EEPD1: variants seen among roughly 807,000 people sequenced by gnomAD.
The protein encoded by EEPD1 is endonuclease/exonuclease/phosphatase family domain containing 1.
EEPD1 carries 17 observed loss-of-function variants against 46.3 expected under a neutral mutation model. The ratio of observed to expected loss-of-function variants is 0.37; its 90% CI spans 0.25 to 0.55. The LOEUF is 0.55. Among genes scored for constraint, EEPD1 ranks in the 20% least tolerant of loss-of-function variants. The pLI, the probability that EEPD1 is intolerant of heterozygous loss-of-function variation, is 0.83. For synonymous variants in EEPD1, 313 were observed against 315.6 expected (o/e 0.99, Z 0.09); for missense variants, 673 against 745.6 (o/e 0.90, Z 1.13).
At chr7:36,226,842 G>A (rs1786239167) in intron 2 of EEPD1, among the ~76,000 whole-genome samples, 1 of 151,910 alleles carries the variant, frequency 6.6e-6, no homozygotes, top group Non-Finnish European at 1.5e-5. Context: ...AAAAAGTATG[G>A]CTTTATATAT....
At position 36,237,141 on chromosome 7, in the gene EEPD1, C is replaced by T. The variant is rs538859440; in HGVS notation, c.879-1844C>T. On this transcript the variant is annotated intron_variant, in intron 2 of 7. Transcript: ENST00000242108. Reference sequence around the variant, plus strand: ...TATGAACTGTAACACTCACCGCAAACGTCTGCAGCTTCACTCCTCAAGTCA... The same window carrying T: ...TATGAACTGTAACACTCACCGCAAATGTCTGCAGCTTCACTCCTCAAGTCA... 2.6e-5 allele frequency among the ~76,000 whole-genome samples: 4 copies of T among 152,202 alleles called. 1 individual carries two copies. Among genetic ancestry groups the T allele is most frequent in the African/African-American group, 9.7e-5 (4 of 41,440 alleles).
intron 3 of EEPD1, among the ~76,000 whole-genome samples, chr7:36,246,851 C>G (rs1393926832): frequency 6.6e-6 from 1 of 152,004 alleles, no homozygotes; most frequent in Non-Finnish European, 1.5e-5. Flanking sequence ...TTGGGCTGGG[C>G]GCAGTGTCTC....
At chr7:36,172,924 G>A (rs1785113237) in intron 2 of EEPD1, among the ~76,000 whole-genome samples, 3 of 147,106 alleles carry the variant, frequency 2.0e-5, no homozygotes, top group Non-Finnish European at 3.0e-5. Flanking sequence ...GGGATTGGGG[G>A]CAGTCTTGGA....
chr7:36,165,411 CTTTTTTTTTTTTTTT>C (rs56236165), intron 2 of EEPD1, among the ~76,000 whole-genome samples: 209 of 62,114 alleles, frequency 3.4e-3, no homozygotes, highest in African/African-American at 0.013. Context: ...GATCCATTTC[CTTTTTTTTTTTTTTT>C]TTTTTTTTTT....
intron 2 of EEPD1, among the ~76,000 whole-genome samples, chr7:36,207,458 A>G (rs971209307): frequency 6.6e-6 from 1 of 152,204 alleles, no homozygotes; most frequent in African/African-American, 2.4e-5. Context: ...TTTAGACCCC[A>G]GACAGGTTAG....
chr7:36,234,009 C>G (rs992642518), intron 2 of EEPD1, among the ~76,000 whole-genome samples: 1 of 152,176 alleles, frequency 6.6e-6, no homozygotes, highest in African/African-American at 2.4e-5. Context: ...CCTCTGCTTT[C>G]CAGGCTTAAG....
At chr7:36,283,173 ACT>A (rs1033632254) in intron 4 of EEPD1, among the ~76,000 whole-genome samples, 1 of 151,718 alleles carries the variant, frequency 6.6e-6, no homozygotes, top group African/African-American at 2.4e-5. Flanking sequence ...AGCCCAGTTC[ACT>A]CTCTCTGTCT....
At chr7:36,180,324 A>G (rs1785252347) in intron 2 of EEPD1, among the ~76,000 whole-genome samples, 1 of 152,096 alleles carries the variant, frequency 6.6e-6, no homozygotes, top group African/African-American at 2.4e-5. Flanking sequence ...TGTGTGGCTT[A>G]CTGGGGAGGC....
intron 3 of EEPD1, among the ~76,000 whole-genome samples, chr7:36,273,794 G>T (rs1237371717): frequency 6.6e-6 from 1 of 152,174 alleles, no homozygotes; most frequent in Non-Finnish European, 1.5e-5. Flanking sequence ...CAGGGTCCCA[G>T]AGCTCCTCTG....
intron 3 of EEPD1, among the ~76,000 whole-genome samples, chr7:36,243,240 C>T (rs975090443): frequency 1.3e-5 from 2 of 151,528 alleles, no homozygotes; most frequent in African/African-American, 2.4e-5. Context: ...TTATCACCAT[C>T]GCTATTATTA....
chr7:36,164,445 A>G (rs1275034670), intron 2 of EEPD1, among the ~76,000 whole-genome samples: 1 of 152,248 alleles, frequency 6.6e-6, no homozygotes, highest in Admixed American at 6.5e-5. Flanking sequence ...ATGGGCATCC[A>G]TCAACTTGTT....
chr7:36,154,885 C>A lies in EEPD1; in HGVS notation c.561C>A (p.Phe187Leu). The change falls in exon 2 of 8, where the codon TTC becomes TTA. Residue 187 changes from phenylalanine to leucine, a missense_variant. Phe to Leu is a conservative substitution (Grantham distance 22, BLOSUM62 0). Coordinates refer to ENST00000242108, the MANE Select transcript of EEPD1 (RefSeq NM_030636.3). The surrounding 1 kb of genome is among the most constrained non-coding windows in gnomAD (Gnocchi z 4.2). ...LVRMDGINAAFLDRIRHQVFA... is the reference protein window; with the variant it reads ...LVRMDGINAALLDRIRHQVFA... ...GGATGGATGGTATCAATGCCGCCTTCCTGGACAGGATCCGGCACCAGGTGT... is the reference window on the plus strand; with the variant it reads ...GGATGGATGGTATCAATGCCGCCTTACTGGACAGGATCCGGCACCAGGTGT... 1.2e-6 allele frequency: 2 copies of A among 1,614,192 alleles called. No individual in the cohort carries two copies. Among genetic ancestry groups the A allele is most frequent in the South Asian group, 1.1e-5 (1 of 91,082 alleles).
intron 2 of EEPD1, among the ~76,000 whole-genome samples, chr7:36,237,689 G>A (rs1005548309): frequency 6.6e-6 from 1 of 151,960 alleles, no homozygotes; most frequent in Non-Finnish European, 1.5e-5. Flanking sequence ...GTGGACTCAC[G>A]CCTGTAATCC....
intron 2 of EEPD1, among the ~76,000 whole-genome samples, chr7:36,189,094 C>G (rs1241407250): frequency 1.3e-5 from 2 of 152,212 alleles, no homozygotes; most frequent in Non-Finnish European, 1.5e-5. Flanking sequence ...TGCCCTTTGT[C>G]AGGGCTCCCA....
chr7:36,237,843 C>G (rs1786484901), intron 2 of EEPD1, among the ~76,000 whole-genome samples: 1 of 152,010 alleles, frequency 6.6e-6, no homozygotes, highest in Non-Finnish European at 1.5e-5. Flanking sequence ...ACCAGATACT[C>G]GGGAGGCTGA....
chr7:36,193,427 G>A lies in EEPD1; in HGVS notation c.878+38225G>A, dbSNP rs1409044304. ...CAAAGGAGAGATGCAGCTAGATGAG[G>A]AGAGAACAGCCACTTCATGCCAGCC... On this transcript the variant is annotated intron_variant, in intron 2 of 7. Coordinates refer to ENST00000242108, the MANE Select transcript of EEPD1 (RefSeq NM_030636.3). This position sits in a 1 kb window ranked among gnomAD's most constrained non-coding sequence, Gnocchi z 4.9. 6.6e-6 allele frequency among the ~76,000 whole-genome samples: 1 copy of A among 152,186 alleles called. No homozygotes were observed. Among genetic ancestry groups the A allele is most frequent in the African/African-American group, 2.4e-5 (1 of 41,456 alleles).
chr7:36,216,418 C>T (rs772642380), intron 2 of EEPD1, among the ~76,000 whole-genome samples: 2 of 152,188 alleles, frequency 1.3e-5, no homozygotes, highest in Non-Finnish European at 2.9e-5. Flanking sequence ...GTAATAACAC[C>T]TTTTCCACCT....
intron 2 of EEPD1, among the ~76,000 whole-genome samples, chr7:36,231,802 G>A (rs1786335405): frequency 6.6e-6 from 1 of 152,172 alleles, no homozygotes; most frequent in Non-Finnish European, 1.5e-5. Flanking sequence ...GTCAAGTGGA[G>A]GATTTAGTAC....
At chr7:36,250,699 T>G (rs1024592009) in intron 3 of EEPD1, among the ~76,000 whole-genome samples, 2 of 152,172 alleles carry the variant, frequency 1.3e-5, no homozygotes, top group Non-Finnish European at 2.9e-5. Context: ...TGCTTGGCTA[T>G]TGACCCCTTT....
Sources: gnomAD v4.1 joint callset for allele counts (sites outside exome capture counted in the v4.1 genomes callset) on GRCh38, gnomAD v4.1.1 for gene constraint, Gnocchi (gnomAD v3.1) non-coding constraint, MANE v1.5 for transcripts, NCBI Gene and HGNC (gene_info 2026-07-23, HGNC 2026-07-21) for gene names.